Variants in PLCB4 observed in about 807,000 individuals in gnomAD.
PLCB4 encodes 1-phosphatidylinositol 4,5-bisphosphate phosphodiesterase beta-4.
In PLCB4, 77 loss-of-function variants were observed where a neutral mutation model predicts 178.8. The observed-to-expected ratio is 0.43, with a 90% CI of 0.36 to 0.52. PLCB4 has a LOEUF of 0.52. Ranked by LOEUF, PLCB4 falls within the 20% of genes least tolerant of loss-of-function variation. The pLI, the probability that PLCB4 is intolerant of heterozygous loss-of-function variation, is 0.00. For missense variants in PLCB4, 1,024 were observed against 1,453.4 expected (o/e 0.70, Z 4.80); for synonymous variants, 496 against 490.8 (o/e 1.01, Z -0.14).
At chr20:9,223,638 G>T (rs868611001) in intron 3 of PLCB4, among the ~76,000 whole-genome samples, 20 of 152,296 alleles carry the variant, frequency 1.3e-4, no homozygotes, top group African/African-American at 4.6e-4. Context: ...CAGCTTCAGA[G>T]CAGGGGGACA....
intron 20 of PLCB4, among the ~76,000 whole-genome samples, chr20:9,405,083 T>C (rs1015836197): frequency 6.6e-6 from 1 of 152,172 alleles, no homozygotes; most frequent in Non-Finnish European, 1.5e-5. Flanking sequence ...AACATCTAAG[T>C]AGGTAAAGAC....
intron 23 of PLCB4, 78 bp downstream of exon 23, chr20:9,408,795 A>G (rs1221507758): frequency 1.3e-6 from 1 of 777,424 alleles, no homozygotes; most frequent in Non-Finnish European, 2.3e-6. Flanking sequence ...ATAAATGGCT[A>G]ATATCTCATT....
chr20:9,263,428 A>G (rs2094318372), intron 3 of PLCB4, among the ~76,000 whole-genome samples: 2 of 152,198 alleles, frequency 1.3e-5, no homozygotes, highest in South Asian at 2.1e-4. Context: ...TATTGAAAGT[A>G]TGGCCCATGG....
intron 2 of PLCB4, among the ~76,000 whole-genome samples, chr20:9,156,138 C>T (rs905176008): frequency 2.3e-4 from 35 of 152,264 alleles, no homozygotes; most frequent in African/African-American, 7.9e-4. Context: ...AGTGCTTCTT[C>T]AGTCATCTGC....
intron 2 of PLCB4, among the ~76,000 whole-genome samples, chr20:9,205,720 A>G (rs913795638): frequency 1.3e-5 from 2 of 152,222 alleles, no homozygotes; most frequent in African/African-American, 4.8e-5. Flanking sequence ...ACACGACCAC[A>G]GTCAGAAATG....
chr20:9,353,444 G>C (rs1417036117), intron 7 of PLCB4, among the ~76,000 whole-genome samples: 1 of 152,206 alleles, frequency 6.6e-6, no homozygotes, highest in Admixed American at 6.5e-5. Flanking sequence ...GGTGGAGCCA[G>C]GAGAAATCAG....
chr20:9,305,966 T>C (rs559616802), intron 3 of PLCB4, among the ~76,000 whole-genome samples: 1 of 152,164 alleles, frequency 6.6e-6, no homozygotes, highest in South Asian at 2.1e-4. Context: ...TATTTGGGGG[T>C]GTATATCTTT....
chr20:9,273,674 C>CGG (rs2094425724), intron 3 of PLCB4, among the ~76,000 whole-genome samples: 1 of 103,382 alleles, frequency 9.7e-6, no homozygotes, highest in Non-Finnish European at 1.9e-5. Flanking sequence ...ATTATGGTTG[C>CGG]AGTGTGTGTG....
intron 2 of PLCB4, among the ~76,000 whole-genome samples, chr20:9,128,373 C>G (rs1044296546): frequency 6.6e-6 from 1 of 152,126 alleles, no homozygotes; most frequent in Non-Finnish European, 1.5e-5. Flanking sequence ...TCAGGCATTT[C>G]TTTGTAGAGA....
rs552818513 is a variant in PLCB4, at chr20:9,441,718, G to A, written c.2765-2263G>A. On this transcript the variant is annotated intron_variant, in intron 30 of 39. Transcript: ENST00000378473. ...TCAGCCTTTTCTTGAGGGTTCCCGT[G>A]GAAGGGATAAATTCTCGGCATTCAG... Among the ~76,000 whole-genome samples the A allele has an allele frequency of 1.7e-3, 253 of 152,270 alleles. 2 individuals carry two copies. In the South Asian group the frequency reaches 0.022, roughly 13 times the overall value.
chr20:9,238,176 T>C (rs993978072), intron 3 of PLCB4, among the ~76,000 whole-genome samples: 9 of 152,156 alleles, frequency 5.9e-5, no homozygotes, highest in African/African-American at 2.2e-4. Context: ...TATGGAGGTA[T>C]GGCTGTTGTA....
chr20:9,235,542 C>G (rs2093983848), intron 3 of PLCB4, among the ~76,000 whole-genome samples: 1 of 152,210 alleles, frequency 6.6e-6, no homozygotes, highest in African/African-American at 2.4e-5. Flanking sequence ...AGACTGGTCT[C>G]TTTCCAAATC....
chr20:9,305,777 A>G (rs1248842261), intron 3 of PLCB4, among the ~76,000 whole-genome samples: 2 of 152,192 alleles, frequency 1.3e-5, no homozygotes, highest in African/African-American at 4.8e-5. Flanking sequence ...ACAGAATTTT[A>G]AATCCAAATT....
chr20:9,230,872 C>T (rs1003965434), intron 3 of PLCB4, among the ~76,000 whole-genome samples: 1 of 152,150 alleles, frequency 6.6e-6, no homozygotes, highest in East Asian at 1.9e-4. Context: ...AGGCAAGTCA[C>T]AGGCCAGCCC....
chr20:9,319,212 G>A (rs2094932993), intron 4 of PLCB4, among the ~76,000 whole-genome samples: 1 of 150,458 alleles, frequency 6.6e-6, no homozygotes, highest in Admixed American at 6.6e-5. Context: ...GAGCAGTCTA[G>A]GGAGAAGAAA....
At chr20:9,157,384 G>T (rs1262323440) in intron 2 of PLCB4, among the ~76,000 whole-genome samples, 1 of 152,166 alleles carries the variant, frequency 6.6e-6, no homozygotes, top group Admixed American at 6.5e-5. Flanking sequence ...CATGAATTGG[G>T]CAGAATGTTA....
chr20:9,368,785 C>A (rs1006931257), intron 9 of PLCB4, among the ~76,000 whole-genome samples: 17 of 152,094 alleles, frequency 1.1e-4, no homozygotes, highest in African/African-American at 4.1e-4. Flanking sequence ...CGAAGTCCCC[C>A]GGAATAGAAT....
chr20:9,373,858 C>G (rs1322470015), intron 12 of PLCB4, among the ~76,000 whole-genome samples: 1 of 152,146 alleles, frequency 6.6e-6, no homozygotes, highest in Non-Finnish European at 1.5e-5. Context: ...AAAAAGTTTT[C>G]CCTTCAGTGA....
chr20:9,196,775 G>T (rs1447963543), intron 2 of PLCB4, among the ~76,000 whole-genome samples: 1 of 152,060 alleles, frequency 6.6e-6, no homozygotes, highest in East Asian at 1.9e-4. Flanking sequence ...TATTTATGAG[G>T]GGCCTAGCAG....
Sources: allele counts gnomAD v4.1 joint callset (sites outside exome capture counted in the v4.1 genomes callset), GRCh38; gene constraint gnomAD v4.1.1; transcripts MANE v1.5; gene names NCBI Gene and HGNC (gene_info 2026-07-23, HGNC 2026-07-21).